FRMPD1: variants seen among roughly 807,000 people sequenced by gnomAD.
FRMPD1 encodes the protein FERM and PDZ domain-containing protein 1.
FRMPD1 carries 76 observed loss-of-function variants against 117.8 expected under a neutral mutation model. The ratio of observed to expected loss-of-function variants is 0.65; its 90% CI spans 0.54 to 0.78. The LOEUF is 0.78. FRMPD1 is among the 30% of genes least tolerant of loss of function. The pLI is 0.00. For missense variants in FRMPD1, 1,786 were observed against 1,964.5 expected, an observed-to-expected ratio of 0.91 and a Z score of 1.72; for synonymous variants, 783 against 770.4, an observed-to-expected ratio of 1.02 and a Z score of -0.27.
rs1260372395 is a variant in FRMPD1, at chr9:37,740,599, A to G, written c.2071A>G (p.Thr691Ala). 6.2e-7 allele frequency: 1 copy of G among 1,614,184 alleles called. No individual in the cohort carries two copies. Residue 691 changes from threonine to alanine, a missense_variant, in exon 15 of 16, where the codon ACA becomes GCA. Thr to Ala is a moderately conservative substitution (Grantham distance 58). Transcript: ENST00000377765. The surrounding 1 kb of genome is among the most constrained non-coding windows in gnomAD (Gnocchi z 4.2). ...ETFGWAPELSTVRLDPRLYEG... is the reference protein window; with the variant it reads ...ETFGWAPELSAVRLDPRLYEG... ...ATTTGGCTGGGCACCAGAACTGAGC[A>G]CAGTCAGGCTGGACCCCAGGCTGTA...
intron 12 of FRMPD1, among the ~76,000 whole-genome samples, 173 bp downstream of exon 12, chr9:37,733,998 C>T (rs958784813): frequency 6.6e-6 from 1 of 152,166 alleles, no homozygotes; most frequent in Non-Finnish European, 1.5e-5. Flanking sequence ...TTGCTTGGTG[C>T]TACCCCTGTG....
At chr9:37,615,111 T>G in the FRMPD1 span, among the ~76,000 whole-genome samples, 1 of 152,216 alleles carries the variant, frequency 6.6e-6, no homozygotes, top group Non-Finnish European at 1.5e-5. Context: ...TTTTCTTTCT[T>G]TCTTTTTTTT....
Position 37,724,827 on chromosome 9 carries a change from A to G in FRMPD1, c.612+507A>G, listed in dbSNP as rs369181248. Among the ~76,000 whole-genome samples the G allele has an allele frequency of 3.9e-5, 6 of 152,294 alleles. No homozygotes were observed. In the East Asian group the frequency reaches 7.7e-4, roughly 20 times the overall value. Reference sequence around the variant, plus strand: ...GTGGTCTCGATCTTCAGGAGCTTGCAGTCTAGTTGAGGGACGGTGGACGTT... The same window carrying G: ...GTGGTCTCGATCTTCAGGAGCTTGCGGTCTAGTTGAGGGACGGTGGACGTT... On this transcript the variant is annotated intron_variant, in intron 7 of 15. Coordinates refer to ENST00000377765, the MANE Select transcript of FRMPD1 (RefSeq NM_014907.3).
chr9:37,725,421 A>G (rs1823578957), intron 7 of FRMPD1, among the ~76,000 whole-genome samples: 1 of 152,218 alleles, frequency 6.6e-6, no homozygotes, highest in Admixed American at 6.5e-5. Flanking sequence ...ACATGCACAC[A>G]CACATCTGCA....
chr9:37,732,992 C>A (rs1199596434), intron 10 of FRMPD1, among the ~76,000 whole-genome samples: 1 of 152,166 alleles, frequency 6.6e-6, no homozygotes, highest in Non-Finnish European at 1.5e-5. Context: ...GGCCCTACCC[C>A]TGATGTACTA....
At chr9:37,731,900 A>G (rs988980726) in intron 9 of FRMPD1, among the ~76,000 whole-genome samples, 5 of 152,054 alleles carry the variant, frequency 3.3e-5, no homozygotes, top group Admixed American at 2.6e-4. Flanking sequence ...AAGAAAAAGA[A>G]TCATTTGGCA....
chr9:37,681,914 G>A (rs1213252606), intron 1 of FRMPD1, among the ~76,000 whole-genome samples: 3 of 152,222 alleles, frequency 2.0e-5, no homozygotes, highest in African/African-American at 7.2e-5. Flanking sequence ...GCATAAAGGA[G>A]ATGATCACAG....
chr9:37,716,982 A>C (rs1823147487), intron 5 of FRMPD1, among the ~76,000 whole-genome samples: 1 of 152,154 alleles, frequency 6.6e-6, no homozygotes, highest in Non-Finnish European at 1.5e-5. Context: ...ACTGTTGAGG[A>C]TTGAGACTAA....
intron 2 of FRMPD1, among the ~76,000 whole-genome samples, chr9:37,698,447 CTGTT>C (rs1822406310): frequency 6.6e-6 from 1 of 151,238 alleles, no homozygotes. Flanking sequence ...GAGATTGGAC[CTGTT>C]TCTGGGCTGG....
At chr9:37,698,141 A>G (rs895409302) in intron 2 of FRMPD1, among the ~76,000 whole-genome samples, 5 of 152,222 alleles carry the variant, frequency 3.3e-5, no homozygotes, top group African/African-American at 1.2e-4. Context: ...CAATTTACAT[A>G]GTTAAATGGG....
intron 1 of FRMPD1, among the ~76,000 whole-genome samples, chr9:37,670,985 A>C (rs906669363): frequency 6.6e-6 from 1 of 152,254 alleles, no homozygotes; most frequent in African/African-American, 2.4e-5. Context: ...AGAATCACTT[A>C]TCAGAATGGC....
At chr9:37,737,785 T>G (rs1312126145) in intron 14 of FRMPD1, among the ~76,000 whole-genome samples, 1 of 148,652 alleles carries the variant, frequency 6.7e-6, no homozygotes, top group African/African-American at 2.5e-5. Context: ...ATCGTGCCAT[T>G]GCACTCCAGC....
At chr9:37,709,999 T>A (rs1822850135) in intron 4 of FRMPD1, among the ~76,000 whole-genome samples, 1 of 152,238 alleles carries the variant, frequency 6.6e-6, no homozygotes, top group African/African-American at 2.4e-5. Flanking sequence ...TTACTTTTTT[T>A]AAGCTTAGTT....
At chr9:37,666,468 G>T (rs1821163137) in intron 1 of FRMPD1, among the ~76,000 whole-genome samples, 2 of 151,982 alleles carry the variant, frequency 1.3e-5, no homozygotes, top group African/African-American at 4.8e-5. Flanking sequence ...CTGAACCTTT[G>T]GTCTTCAGGG....
chr9:37,610,949 A>T, the FRMPD1 span, among the ~76,000 whole-genome samples: 1 of 152,186 alleles, frequency 6.6e-6, no homozygotes, highest in African/African-American at 2.4e-5. Flanking sequence ...GTATGGACAT[A>T]CTAAAATGTA....
rs1051333530 is a variant in FRMPD1, at chr9:37,746,720, C to A, written c.4688C>A (p.Ala1563Asp). 6 of 1,613,966 alleles carry A rather than the reference C, an allele frequency of 3.7e-6. No individual in the cohort carries two copies. The African/African-American group carries it at 8.0e-5, about 22-fold the overall frequency. ...LLARQCTALT[A>D]AVFCLTQKFR... The stretch of plus-strand genomic sequence containing the variant: ...GCCCGTCAGTGCACGGCCCTCACGG[C>A]CGCCGTGTTCTGTTTGACCCAGAAG... The change falls in exon 16 of 16, where the codon GCC becomes GAC. Residue 1563 changes from alanine to aspartate, a missense_variant. By Grantham distance (126) the Ala-to-Asp change is moderately radical (BLOSUM62 -2). Coordinates refer to ENST00000377765, the MANE Select transcript of FRMPD1 (RefSeq NM_014907.3).
intron 1 of FRMPD1, among the ~76,000 whole-genome samples, chr9:37,681,602 T>C (rs1821733138): frequency 6.6e-6 from 1 of 152,228 alleles, no homozygotes; most frequent in Non-Finnish European, 1.5e-5. Context: ...ATGATTGACA[T>C]TGGAAATGTA....
intron 11 of FRMPD1, 42 bp downstream of exon 11, chr9:37,733,641 T>TGAAACCTTAG: frequency 6.2e-7 from 1 of 1,611,094 alleles, no homozygotes; most frequent in Non-Finnish European, 8.5e-7. Flanking sequence ...CTGTCGTCTG[T>TGAAACCTTAG]GAAACCTTAG....
intron 6 of FRMPD1, among the ~76,000 whole-genome samples, chr9:37,721,805 A>G (rs770366904): frequency 7.2e-5 from 11 of 152,266 alleles, no homozygotes; most frequent in Non-Finnish European, 1.3e-4. Context: ...ATAGAATATT[A>G]TAAATCCATT....
Sources: gnomAD v4.1 joint callset for allele counts (sites outside exome capture counted in the v4.1 genomes callset) on GRCh38, gnomAD v4.1.1 for gene constraint, Gnocchi (gnomAD v3.1) non-coding constraint, MANE v1.5 for transcripts, NCBI Gene and HGNC (gene_info 2026-07-23, HGNC 2026-07-21) for gene names.